Variants in TAS2R1 observed in about 807,000 individuals in gnomAD.
TAS2R1 encodes taste 2 receptor member 1, also known as taste receptor type 2 member 1.
For missense variants in TAS2R1, 370 were observed against 353.4 expected (o/e 1.05, Z -0.38); for synonymous variants, 141 against 134.2 (o/e 1.05, Z -0.35).
At chr5:9,800,868 T>C in the TAS2R1 span, among the ~76,000 whole-genome samples, 1 of 152,068 alleles carries the variant, frequency 6.6e-6, no homozygotes, top group Non-Finnish European at 1.5e-5. Context: ...GCCCTTGGGG[T>C]AGAGCCCCCA....
At chr5:9,666,081 TC>T (rs1740627501) in intron 1 of TAS2R1, among the ~76,000 whole-genome samples, 1 of 152,238 alleles carries the variant, frequency 6.6e-6, no homozygotes, top group African/African-American at 2.4e-5. Flanking sequence ...ACTTCATGAT[TC>T]TTTTTTTTTA....
At chr5:9,794,276 A>G in the TAS2R1 span, among the ~76,000 whole-genome samples, 1 of 152,216 alleles carries the variant, frequency 6.6e-6, no homozygotes, top group African/African-American at 2.4e-5. Flanking sequence ...TTTGAAGTTC[A>G]AGAGAACTTG....
intron 2 of TAS2R1, among the ~76,000 whole-genome samples, chr5:9,636,066 G>A (rs1281307432): frequency 1.3e-5 from 2 of 151,812 alleles, no homozygotes; most frequent in African/African-American, 2.4e-5. Context: ...TCTGATGTAG[G>A]TATTTAATAC....
the TAS2R1 span, among the ~76,000 whole-genome samples, chr5:9,763,431 A>G: frequency 6.6e-6 from 1 of 152,086 alleles, no homozygotes; most frequent in Non-Finnish European, 1.5e-5. Context: ...TGAACCTGGG[A>G]GGCAGGGGTT....
chr5:9,850,482 C>T, the TAS2R1 span, among the ~76,000 whole-genome samples: 1 of 152,358 alleles, frequency 6.6e-6, no homozygotes, highest in East Asian at 1.9e-4. Flanking sequence ...GCAGCAGAAT[C>T]CATCACGGAG....
the TAS2R1 span, among the ~76,000 whole-genome samples, chr5:9,898,877 A>G: frequency 7.0e-4 from 107 of 152,278 alleles, no homozygotes; most frequent in African/African-American, 2.6e-3. Flanking sequence ...CATTTCTTTC[A>G]ATAAAACTTA....
chr5:9,692,961 G>A (rs1466168928), intron 1 of TAS2R1, among the ~76,000 whole-genome samples: 1 of 152,056 alleles, frequency 6.6e-6, no homozygotes, highest in Non-Finnish European at 1.5e-5. Context: ...TCTCTATGGA[G>A]TTTTCCTCTC....
At chr5:9,698,633 A>G (rs778228568) in intron 1 of TAS2R1, among the ~76,000 whole-genome samples, 12 of 152,192 alleles carry the variant, frequency 7.9e-5, no homozygotes, top group Admixed American at 6.5e-4. Context: ...CCAGACACAT[A>G]AACACACCCG....
At chr5:9,698,512 G>C (rs535275010) in intron 1 of TAS2R1, among the ~76,000 whole-genome samples, 3 of 152,216 alleles carry the variant, frequency 2.0e-5, no homozygotes, top group African/African-American at 7.2e-5. Flanking sequence ...AAGTTGTCGT[G>C]TTTTATCTTG....
the TAS2R1 span, among the ~76,000 whole-genome samples, chr5:9,740,326 C>T: frequency 6.6e-6 from 1 of 152,138 alleles, no homozygotes; most frequent in Non-Finnish European, 1.5e-5. Context: ...CACAACCTGC[C>T]CCCAAAGACC....
At chr5:9,824,079 G>T in the TAS2R1 span, among the ~76,000 whole-genome samples, 25 of 152,310 alleles carry the variant, frequency 1.6e-4, no homozygotes, top group African/African-American at 6.0e-4. Context: ...TAGCAGATGT[G>T]TAGGGCACAG....
At chr5:9,882,530 G>A in the TAS2R1 span, among the ~76,000 whole-genome samples, 2 of 152,108 alleles carry the variant, frequency 1.3e-5, no homozygotes, top group Non-Finnish European at 2.9e-5. Context: ...GAAACCTGAG[G>A]CACGAGAATT....
chr5:9,745,415 A>G, the TAS2R1 span, among the ~76,000 whole-genome samples: 15 of 152,258 alleles, frequency 9.9e-5, no homozygotes, highest in South Asian at 2.9e-3. Flanking sequence ...TATGAATACA[A>G]ATGGAGGTCA....
the TAS2R1 span, among the ~76,000 whole-genome samples, chr5:9,873,273 G>A: frequency 9.2e-5 from 14 of 152,006 alleles, no homozygotes; most frequent in African/African-American, 2.4e-4. Flanking sequence ...ACGGGCCCTG[G>A]GGACCCCAGA....
chr5:9,778,666 G>GCT, the TAS2R1 span, among the ~76,000 whole-genome samples: 1 of 152,210 alleles, frequency 6.6e-6, no homozygotes. Flanking sequence ...ATGTTATGGA[G>GCT]ATGGCTTACT....
the TAS2R1 span, among the ~76,000 whole-genome samples, chr5:9,847,692 G>A: frequency 6.6e-6 from 1 of 152,222 alleles, no homozygotes; most frequent in African/African-American, 2.4e-5. Context: ...CCAGTCATTT[G>A]TAAGCCTTTG....
At chr5:9,776,190 T>G in the TAS2R1 span, among the ~76,000 whole-genome samples, 1 of 152,182 alleles carries the variant, frequency 6.6e-6, no homozygotes, top group Non-Finnish European at 1.5e-5. Flanking sequence ...CAGGCTGAGT[T>G]CTGCCCAGTT....
At chr5:9,736,838 G>A in the TAS2R1 span, among the ~76,000 whole-genome samples, 2 of 152,104 alleles carry the variant, frequency 1.3e-5, no homozygotes, top group African/African-American at 4.8e-5. Context: ...TAGCAAAAGG[G>A]CCTATGTCTG....
the TAS2R1 span, among the ~76,000 whole-genome samples, chr5:9,744,529 A>G: frequency 6.6e-6 from 1 of 151,698 alleles, no homozygotes; most frequent in Admixed American, 6.6e-5. Context: ...GTTGAGAAAT[A>G]CCCTCCTAAT....
Sources: gnomAD v4.1 joint callset for allele counts (sites outside exome capture counted in the v4.1 genomes callset) on GRCh38, gnomAD v4.1.1 for gene constraint, MANE v1.5 for transcripts, NCBI Gene and HGNC (gene_info 2026-07-23, HGNC 2026-07-21) for gene names.